DTNB: variants seen among roughly 807,000 people sequenced by gnomAD.
DTNB encodes the protein DTN-B.
DTNB carries 63 observed loss-of-function variants against 90.7 expected under a neutral mutation model. The observed-to-expected ratio is 0.69, with a 90% confidence interval of 0.57 to 0.86. The LOEUF is 0.86. Ranked by LOEUF, DTNB falls within the 40% of genes least tolerant of loss-of-function variation. DTNB has a pLI of 0.00. For missense variants in DTNB, 744 were observed against 807.1 expected (o/e 0.92, Z 0.95); for synonymous variants, 277 against 286.7 (o/e 0.97, Z 0.34).
At chr2:25,632,014 G>A (rs1475276437) in intron 3 of DTNB, among the ~76,000 whole-genome samples, 3 of 151,984 alleles carry the variant, frequency 2.0e-5, no homozygotes, top group Non-Finnish European at 4.4e-5. Flanking sequence ...GGCCAACATG[G>A]TGAAACCCCA....
intron 16 of DTNB, among the ~76,000 whole-genome samples, chr2:25,414,059 T>C (rs1267526746): frequency 6.6e-6 from 1 of 152,270 alleles, no homozygotes; most frequent in Admixed American, 6.5e-5. Flanking sequence ...CATGTATCTG[T>C]TGGCTGCATA....
chr2:25,663,201 T>G (rs1242234552), intron 1 of DTNB, among the ~76,000 whole-genome samples: 1 of 152,204 alleles, frequency 6.6e-6, no homozygotes, highest in Non-Finnish European at 1.5e-5. Context: ...CTGAGAATGA[T>G]GGCTTCCAGC....
At chr2:25,502,310 T>A (rs575867886) in intron 9 of DTNB, among the ~76,000 whole-genome samples, 2 of 152,296 alleles carry the variant, frequency 1.3e-5, no homozygotes, top group South Asian at 4.1e-4. Flanking sequence ...AAACTGATTA[T>A]AATAGAGGAG....
intron 15 of DTNB, among the ~76,000 whole-genome samples, chr2:25,426,195 G>A (rs1332762731): frequency 6.6e-6 from 1 of 152,150 alleles, no homozygotes; most frequent in Non-Finnish European, 1.5e-5. Context: ...CAGATTAAAG[G>A]ATAGTCAGAT....
At position 25,408,553 on chromosome 2, in the gene DTNB, A is replaced by AT. The variant is rs1471897873; in HGVS notation, c.1575+10961_1575+10962insA. On this transcript the variant is annotated intron_variant, in intron 16 of 20. Transcript: ENST00000406818. Reference sequence around the variant, plus strand: ...GACTCCATCTCAAAAAAAAAAAAAAAAAAAAAAAAAGCACCACTTTAGCTG... The same window carrying AT: ...GACTCCATCTCAAAAAAAAAAAAAAATAAAAAAAAAAGCACCACTTTAGCTG... Among the ~76,000 whole-genome samples the AT allele has an allele frequency of 8.6e-3, 1,300 of 150,922 alleles. 28 individuals are homozygous for AT. The highest frequency in any genetic ancestry group is 0.031 in the African/African-American group (1,262 of 40,970).
intron 10 of DTNB, among the ~76,000 whole-genome samples, chr2:25,459,617 CTGAG>C (rs1415821531): frequency 6.6e-6 from 1 of 152,136 alleles, no homozygotes; most frequent in Non-Finnish European, 1.5e-5. Flanking sequence ...CCTCAGCCTC[CTGAG>C]TAACTGGGAT....
intron 5 of DTNB, among the ~76,000 whole-genome samples, chr2:25,603,553 T>C (rs2066373546): frequency 6.6e-6 from 1 of 152,028 alleles, no homozygotes; most frequent in Admixed American, 6.6e-5. Context: ...GTTCAGTCAT[T>C]CAAATGCTAT....
At chr2:25,530,264 G>A (rs1480076413) in intron 9 of DTNB, among the ~76,000 whole-genome samples, 6 of 151,826 alleles carry the variant, frequency 4.0e-5, no homozygotes, top group African/African-American at 9.7e-5. Flanking sequence ...GCAAAACACC[G>A]TCTCTACTAA....
At chr2:25,644,467 A>C (rs898580614) in intron 2 of DTNB, among the ~76,000 whole-genome samples, 21 of 152,188 alleles carry the variant, frequency 1.4e-4, no homozygotes, top group African/African-American at 5.1e-4. Flanking sequence ...TGATTGAAAA[A>C]ATTTTTGGCT....
chr2:25,429,338 G>A (rs758680506), intron 14 of DTNB, among the ~76,000 whole-genome samples: 5 of 151,892 alleles, frequency 3.3e-5, no homozygotes, highest in South Asian at 2.1e-4. Flanking sequence ...CATTTCTATC[G>A]GCGAGTGCGG....
At chr2:25,481,972 A>G (rs1332168487) in intron 10 of DTNB, 2 of 152,244 alleles carry the variant, frequency 1.3e-5, no homozygotes, top group Non-Finnish European at 2.9e-5. Context: ...TAGCATTTCT[A>G]TAGCTGAATT....
rs116348291 is a variant in DTNB, at chr2:25,577,326, A to T, written c.710-322T>A. Among the ~76,000 whole-genome samples the T allele has an allele frequency of 3.8e-3, 575 of 152,192 alleles. 3 individuals carry two copies. The highest frequency in any genetic ancestry group is 6.8e-3 in the Non-Finnish European group (460 of 67,994). ...ATGGCACATGCCTGTAATCTCAGTT[A>T]CTCAGGAGGCTGAGGCACAAGAATC... On this transcript the variant is annotated intron_variant, in intron 7 of 20. Coordinates refer to ENST00000406818, the MANE Select transcript of DTNB (RefSeq NM_021907.5).
At chr2:25,422,168 A>G (rs2049935653) in intron 15 of DTNB, among the ~76,000 whole-genome samples, 1 of 152,138 alleles carries the variant, frequency 6.6e-6, no homozygotes, top group Non-Finnish European at 1.5e-5. Context: ...AAAAGGGGGT[A>G]ATACCTTAAT....
intron 9 of DTNB, among the ~76,000 whole-genome samples, chr2:25,514,222 T>A (rs2074534626): frequency 6.6e-6 from 1 of 152,086 alleles, no homozygotes; most frequent in South Asian, 2.1e-4. Flanking sequence ...GAGATCTGAA[T>A]AACATAAACA....
chr2:25,445,669 C>T (rs1279513310), intron 12 of DTNB, among the ~76,000 whole-genome samples: 2 of 152,310 alleles, frequency 1.3e-5, no homozygotes, highest in East Asian at 3.9e-4. Flanking sequence ...ATGCGACCTC[C>T]AGCCTCAGGG....
intron 10 of DTNB, among the ~76,000 whole-genome samples, chr2:25,475,339 A>G (rs964252671): frequency 6.6e-6 from 1 of 152,248 alleles, no homozygotes; most frequent in Non-Finnish European, 1.5e-5. Context: ...AATCAGCCGC[A>G]ACATTCCCTT....
chr2:25,441,010 C>G (rs1417947176), intron 12 of DTNB, among the ~76,000 whole-genome samples: 1 of 152,188 alleles, frequency 6.6e-6, no homozygotes, highest in Non-Finnish European at 1.5e-5. Context: ...GGCAAATAAA[C>G]TGATTCCTGG....
At chr2:25,622,230 T>C (rs2148660716) in intron 4 of DTNB, among the ~76,000 whole-genome samples, 1 of 152,300 alleles carries the variant, frequency 6.6e-6, no homozygotes, top group African/African-American at 2.4e-5. Context: ...CTGTATTCAA[T>C]CCCAGCACTT....
At chr2:25,627,938 G>A (rs148908441) in intron 4 of DTNB, among the ~76,000 whole-genome samples, 1,661 of 151,968 alleles carry the variant, frequency 0.011, 15 homozygotes, top group Middle Eastern at 0.031. Flanking sequence ...GGGTTTCACC[G>A]TGTTAGCCGG....
Sources: gnomAD v4.1 joint callset for allele counts (sites outside exome capture counted in the v4.1 genomes callset) on GRCh38, gnomAD v4.1.1 for gene constraint, MANE v1.5 for transcripts, NCBI Gene and HGNC (gene_info 2026-07-23, HGNC 2026-07-21) for gene names.